SDC3: variants seen among roughly 807,000 people sequenced by gnomAD.
SDC3 encodes the protein syndecan 3, also known as syndecan-3.
In SDC3, 13 loss-of-function variants were observed where a neutral mutation model predicts 24.4. The observed-to-expected ratio is 0.53, with a 90% CI of 0.35 to 0.85. SDC3 has a LOEUF of 0.85. Among genes scored for constraint, SDC3 ranks in the 40% least tolerant of loss-of-function variants. The probability of loss-of-function intolerance (pLI) is 0.01; values close to 1 mark genes in which losing one functional copy is unlikely to be tolerated. For synonymous variants in SDC3, 295 were observed against 260.9 expected (o/e 1.13, Z -1.26); for missense variants, 571 against 584.5 (o/e 0.98, Z 0.24).
At position 30,908,689 on chromosome 1, in the gene SDC3, G is replaced by C. The variant is rs1010557998; in HGVS notation, c.-103C>G. 1 of 337,326 alleles carries C rather than the reference G, an allele frequency of 3.0e-6. No individual in the cohort carries two copies. Among genetic ancestry groups the C allele is most frequent in the South Asian group, 1.1e-4 (1 of 8,968 alleles). The allele number at this position is 337,326 out of a possible 1,614,324, so 20.9% of individuals were successfully genotyped here. On this transcript the variant is annotated 5_prime_UTR_variant, in exon 1 of 5. Transcript: ENST00000339394. ...TGGCGGCGGCGCGGCCCGGCGGCTG[G>C]ACCGACGCGCTCTAGGCTCGCGGGC...
upstream of SDC3, among the ~76,000 whole-genome samples, chr1:30,909,571 C>T (rs564205703): frequency 2.6e-5 from 4 of 152,066 alleles, no homozygotes; most frequent in African/African-American, 9.7e-5. Context: ...GTGCCTTTTC[C>T]CCCTTCACCT....
chr1:30,909,034 CT>C (rs1638598433), upstream of SDC3, among the ~76,000 whole-genome samples: 1 of 152,088 alleles, frequency 6.6e-6, no homozygotes, highest in Non-Finnish European at 1.5e-5. Flanking sequence ...GGCCGCCGTG[CT>C]AGGTAGAAGG....
chr1:30,889,846 A>G (rs1639880665), intron 1 of SDC3, among the ~76,000 whole-genome samples: 1 of 152,222 alleles, frequency 6.6e-6, no homozygotes, highest in Admixed American at 6.5e-5. Flanking sequence ...TTCTACTCCT[A>G]GGGTATATAT....
At chr1:30,888,526 A>G (rs1367548183) in intron 1 of SDC3, among the ~76,000 whole-genome samples, 4 of 152,044 alleles carry the variant, frequency 2.6e-5, no homozygotes, top group African/African-American at 9.7e-5. Flanking sequence ...CGGCTCCCCA[A>G]AGCCCTCCCC....
chr1:30,892,306 CA>C (rs1311558830), intron 1 of SDC3, among the ~76,000 whole-genome samples: 5 of 152,146 alleles, frequency 3.3e-5, no homozygotes, highest in South Asian at 2.1e-4. Context: ...GCTCCCTGAG[CA>C]TCCCCAGGCA....
chr1:30,893,876 A>G (rs1293239230), intron 1 of SDC3, among the ~76,000 whole-genome samples: 2 of 152,122 alleles, frequency 1.3e-5, no homozygotes, highest in African/African-American at 4.8e-5. Context: ...ATATAACTGC[A>G]TCTCCGAAGG....
At chr1:30,909,615 C>T (rs935038717), upstream of SDC3, among the ~76,000 whole-genome samples, 2 of 152,208 alleles carry the variant, frequency 1.3e-5, no homozygotes, top group African/African-American at 2.4e-5. Context: ...GCTGTTCTTA[C>T]TTCTCCAAGT....
intron 1 of SDC3, chr1:30,880,460 T>C (rs867627198): frequency 6.6e-6 from 1 of 152,104 alleles, no homozygotes; most frequent in Non-Finnish European, 1.5e-5. Flanking sequence ...TTTAGCCTCA[T>C]GCTGATGAGG....
chr1:30,876,647 G>A lies in SDC3; in HGVS notation c.775C>T (p.Leu259Phe). The A allele has an allele frequency of 6.3e-7, 1 of 1,590,602 alleles. No homozygotes were observed. The highest frequency in any genetic ancestry group is 2.2e-5 in the East Asian group (1 of 44,622). The change falls in exon 3 of 5, where the codon CTT becomes TTT. Residue 259 changes from leucine to phenylalanine, a missense_variant. Leu to Phe is a conservative substitution (Grantham distance 22, BLOSUM62 0). Around this residue, in one of 2 missense-constraint regions of SDC3, gnomAD observed 497 missense variants for 471.6 expected, o/e 1.05. Coordinates refer to ENST00000339394, the MANE Select transcript of SDC3 (RefSeq NM_014654.4). ...VSTATSRPRA[L>F]PRPATTQEPD... ...TCCTGGGTGGTGGCCGGCCTGGGAAGGGCTCTTGGCCGGGAGGTAGCTGTG... is the reference window on the plus strand; with the variant it reads ...TCCTGGGTGGTGGCCGGCCTGGGAAAGGCTCTTGGCCGGGAGGTAGCTGTG...
At chr1:30,894,931 C>T (rs568514944) in intron 1 of SDC3, among the ~76,000 whole-genome samples, 16 of 152,038 alleles carry the variant, frequency 1.1e-4, no homozygotes, top group Middle Eastern at 3.4e-3. Flanking sequence ...TACCTGTGCA[C>T]ATGGCAGTGT....
At position 30,874,556 on chromosome 1, in the gene SDC3, G is replaced by A. The variant is rs750648373; in HGVS notation, c.903C>T (p.Ile301=). 6 of 1,614,142 alleles carry A rather than the reference G, an allele frequency of 3.7e-6. No homozygotes were observed. The highest frequency in any genetic ancestry group is 5.1e-6 in the Non-Finnish European group (6 of 1,179,994). The change falls in exon 4 of 5, where the codon ATC becomes ATT. Residue 301 remains isoleucine (I), a synonymous_variant. Coordinates refer to ENST00000339394, the MANE Select transcript of SDC3 (RefSeq NM_014654.4). ...TCACCGGAACCTCTGGCTCATCCCG[G>A]ATTGTGGTCAGGAAGGTCTCTGGAG... ...TPTPETFLTT[I]RDEPEVPVSG...
At chr1:30,888,321 C>T (rs562860121) in intron 1 of SDC3, among the ~76,000 whole-genome samples, 6 of 152,256 alleles carry the variant, frequency 3.9e-5, no homozygotes, top group East Asian at 1.9e-4. Context: ...ACATGGAGGC[C>T]CCTAAGAGCA....
chr1:30,905,269 G>A (rs1638494451), intron 1 of SDC3, among the ~76,000 whole-genome samples: 1 of 151,392 alleles, frequency 6.6e-6, no homozygotes, highest in Non-Finnish European at 1.5e-5. Flanking sequence ...CCAGGCCTGG[G>A]GCTGAGCTTC....
intron 1 of SDC3, among the ~76,000 whole-genome samples, chr1:30,895,451 G>A (rs1639987013): frequency 6.6e-6 from 1 of 152,170 alleles, no homozygotes; most frequent in African/African-American, 2.4e-5. Flanking sequence ...TCAGCTCCCA[G>A]AGGCCATGTA....
chr1:30,894,439 G>C, intron 1 of SDC3, among the ~76,000 whole-genome samples: 1 of 92,072 alleles, frequency 1.1e-5, no homozygotes, highest in Non-Finnish European at 2.2e-5. Flanking sequence ...TGCATTGAGT[G>C]TGTGGATGAG....
At chr1:30,880,181 A>G (rs1274980198) in intron 1 of SDC3, among the ~76,000 whole-genome samples, 2 of 152,054 alleles carry the variant, frequency 1.3e-5, no homozygotes, top group South Asian at 2.1e-4. Context: ...CGACATGACA[A>G]CCGTTACCAT....
At chr1:30,889,229 A>C (rs956927152) in intron 1 of SDC3, among the ~76,000 whole-genome samples, 6 of 152,342 alleles carry the variant, frequency 3.9e-5, no homozygotes, top group Admixed American at 2.0e-4. Flanking sequence ...GGAGGATTAA[A>C]TAAGATGATC....
intron 1 of SDC3, among the ~76,000 whole-genome samples, chr1:30,900,744 T>G (rs1052551393): frequency 6.6e-6 from 1 of 152,104 alleles, no homozygotes; most frequent in Admixed American, 6.5e-5. Flanking sequence ...CAATTAGATT[T>G]CCCAGATCCC....
At position 30,873,246 on chromosome 1, in the gene SDC3, G is replaced by C. The variant is rs780938890; in HGVS notation, c.1294C>G (p.Gln432Glu). 4 of 1,613,780 alleles carry C rather than the reference G, an allele frequency of 2.5e-6. No homozygotes were observed. The highest frequency in any genetic ancestry group is 3.4e-6 in the Non-Finnish European group (4 of 1,179,650). Residue 432 changes from glutamine to glutamate, a missense_variant, in exon 5 of 5, where the codon CAG becomes GAG. This residue lies in a region of SDC3 where 74 missense variants were observed against 112.9 expected (regional missense o/e 0.66). Transcript: ENST00000339394. ...EEPKQASVTYQKPDKQEEFYA is the reference protein window; with the variant it reads ...EEPKQASVTYEKPDKQEEFYA The stretch of plus-strand genomic sequence containing the variant: ...AACTCCTCCTGCTTGTCAGGCTTCT[G>C]GTATGTGACGCTCGCCTGCTTGGGT...
Sources: allele counts gnomAD v4.1 joint callset (sites outside exome capture counted in the v4.1 genomes callset), GRCh38; gene constraint gnomAD v4.1.1; regional missense constraint gnomAD v4.1.1; transcripts MANE v1.5; gene names NCBI Gene and HGNC (gene_info 2026-07-23, HGNC 2026-07-21).